The following FMN1 variants were observed in gnomAD, a reference collection of about 807,000 sequenced individuals.
FMN1 encodes formin-1.
A neutral mutation model predicts 132.4 loss-of-function variants in FMN1; 110 were observed. The observed-to-expected ratio is 0.83, with a 90% confidence interval of 0.71 to 0.97. The LOEUF is 0.97. Among genes scored for constraint, FMN1 ranks in the 50% least tolerant of loss-of-function variants. The pLI is 0.00. For missense variants in FMN1, 1,792 were observed against 1,705.3 expected, an observed-to-expected ratio of 1.05 and a Z score of -0.90; for synonymous variants, 722 against 651.7, an observed-to-expected ratio of 1.11 and a Z score of -1.64.
chr15:32,799,233 T>A (rs1490904341), intron 18 of FMN1, among the ~76,000 whole-genome samples: 2 of 152,202 alleles, frequency 1.3e-5, no homozygotes, highest in Non-Finnish European at 2.9e-5. Flanking sequence ...GTAAAACGTC[T>A]CGAGTTTGTT....
chr15:33,040,709 C>A (rs2036393883), intron 6 of FMN1, among the ~76,000 whole-genome samples: 1 of 152,152 alleles, frequency 6.6e-6, no homozygotes, highest in Non-Finnish European at 1.5e-5. Flanking sequence ...AAGGGAAATC[C>A]CCCAGGAGTC....
chr15:33,139,659 A>G (rs1296689446), intron 4 of FMN1, among the ~76,000 whole-genome samples: 2 of 152,222 alleles, frequency 1.3e-5, no homozygotes, highest in Non-Finnish European at 2.9e-5. Context: ...TAAAGATCCA[A>G]ATAAGCTTCG....
At chr15:33,182,744 A>G (rs1566970279) in intron 2 of FMN1, among the ~76,000 whole-genome samples, 3 of 152,178 alleles carry the variant, frequency 2.0e-5, no homozygotes, top group Non-Finnish European at 4.4e-5. Flanking sequence ...CTATGTGTTC[A>G]ACAGAGCCCA....
intron 7 of FMN1, among the ~76,000 whole-genome samples, chr15:33,005,231 T>C (rs1238788562): frequency 6.6e-6 from 1 of 151,992 alleles, no homozygotes; most frequent in Non-Finnish European, 1.5e-5. Flanking sequence ...GTGTATAAAT[T>C]GGATGTACCA....
At chr15:32,963,801 C>G (rs1488722805) in intron 9 of FMN1, among the ~76,000 whole-genome samples, 1 of 151,826 alleles carries the variant, frequency 6.6e-6, no homozygotes, top group Non-Finnish European at 1.5e-5. Flanking sequence ...AAGATATGGC[C>G]AAAATAGCAG....
intron 9 of FMN1, among the ~76,000 whole-genome samples, chr15:32,937,772 G>A (rs1014831635): frequency 2.0e-5 from 3 of 152,216 alleles, no homozygotes; most frequent in Non-Finnish European, 1.5e-5. Context: ...TTGGAGGACA[G>A]TACCAAACAA....
chr15:33,118,882 C>A (rs140042582), intron 4 of FMN1, among the ~76,000 whole-genome samples: 1 of 145,434 alleles, frequency 6.9e-6, no homozygotes, highest in African/African-American at 2.6e-5. Flanking sequence ...AAAATAATGT[C>A]TATAAAAAAA....
chr15:32,804,189 G>C (rs2057578092), intron 18 of FMN1, 92 bp downstream of exon 18: 1 of 919,036 alleles, frequency 1.1e-6, no homozygotes, highest in African/African-American at 1.7e-5. Context: ...TTTGGAGATA[G>C]AACTGCATAG....
rs201353759 is a variant in FMN1 at position 32,855,156 on chromosome 15, G to GT, written c.3928+1858dup. ...GTTCCACACTGGAATTACGTGGAGA[G>GT]TAAAAAAAAAAAAAAAAAAAAAAAA... On this transcript the variant is annotated intron_variant, in intron 17 of 20. Transcript: ENST00000616417. 1.4e-3 allele frequency among the ~76,000 whole-genome samples: 96 copies of GT among 70,562 alleles called. 2 individuals carry two copies. The highest frequency in any genetic ancestry group is 0.018 in the Middle Eastern group (2 of 112). 46.3% of individuals were successfully genotyped at this position (70,562 alleles called of 152,430 possible).
intron 9 of FMN1, among the ~76,000 whole-genome samples, chr15:32,954,462 T>C (rs2061720005): frequency 6.6e-6 from 1 of 152,346 alleles, no homozygotes; most frequent in Middle Eastern, 3.4e-3. Flanking sequence ...GACCAGATCC[T>C]TGGAATTCAT....
intron 16 of FMN1, among the ~76,000 whole-genome samples, chr15:32,862,347 T>C (rs1405943979): frequency 6.6e-6 from 1 of 152,194 alleles, no homozygotes; most frequent in African/African-American, 2.4e-5. Context: ...ATTTTTCTCT[T>C]TACACAATTT....
intron 9 of FMN1, among the ~76,000 whole-genome samples, chr15:32,927,382 G>GC (rs2060988168): frequency 6.6e-6 from 1 of 152,094 alleles, no homozygotes; most frequent in African/African-American, 2.4e-5. Flanking sequence ...CTCACGAGTA[G>GC]CAAGCACTAT....
chr15:33,040,783 T>C (rs1010245653), intron 6 of FMN1, among the ~76,000 whole-genome samples: 2 of 152,232 alleles, frequency 1.3e-5, no homozygotes, highest in Non-Finnish European at 2.9e-5. Flanking sequence ...TCACTTCTAC[T>C]TATCTTGAAT....
rs148590309 is a variant in FMN1 at position 32,880,983 on chromosome 15, G to A, written c.3835+7189C>T. Among the ~76,000 whole-genome samples, 315 of 152,212 alleles carry A rather than the reference G, an allele frequency of 2.1e-3. 1 individual carries two copies. Among genetic ancestry groups the A allele is most frequent in the African/African-American group, 7.4e-3 (306 of 41,526 alleles). Reference sequence around the variant, plus strand: ...TTAAACTTTTGTCTCCTAAATCCTAGTTCAGTGCTATTGTCAACACCCCAG... The same window carrying A: ...TTAAACTTTTGTCTCCTAAATCCTAATTCAGTGCTATTGTCAACACCCCAG... On this transcript the variant is annotated intron_variant, in intron 16 of 20. Coordinates refer to ENST00000616417, the MANE Select transcript of FMN1 (RefSeq NM_001277313.2).
At chr15:32,962,105 T>TTTATTATTATTATTA (rs10645453) in intron 9 of FMN1, among the ~76,000 whole-genome samples, 3 of 150,760 alleles carry the variant, frequency 2.0e-5, no homozygotes, top group African/African-American at 7.3e-5. Context: ...AGGGCAAGGA[T>TTTATTATTATTATTA]TTATTATTAT....
intron 4 of FMN1, among the ~76,000 whole-genome samples, chr15:33,139,091 CTTAA>C (rs900979908): frequency 2.6e-5 from 4 of 152,172 alleles, no homozygotes; most frequent in African/African-American, 4.8e-5. Flanking sequence ...ACTATCATAA[CTTAA>C]TTAATGAAAA....
At chr15:32,798,991 G>A in intron 18 of FMN1, 38 bp from the exon 19 acceptor site, 1 of 1,592,202 alleles carries the variant, frequency 6.3e-7, no homozygotes, top group African/African-American at 1.4e-5. Flanking sequence ...TGAGGTAGAG[G>A]TGAGAAATTG....
chr15:32,785,184 G>GTC (rs1270130987), intron 19 of FMN1, among the ~76,000 whole-genome samples: 2 of 33,014 alleles, frequency 6.1e-5, no homozygotes, highest in East Asian at 1.6e-3. Flanking sequence ...GTGTGTGTGT[G>GTC]TGTGTGTGTG....
chr15:32,942,750 C>G (rs933561400), intron 9 of FMN1, among the ~76,000 whole-genome samples: 1 of 152,152 alleles, frequency 6.6e-6, no homozygotes, highest in African/African-American at 2.4e-5. Flanking sequence ...ATCTCCAGCA[C>G]AGTCAGTTTT....
Sources: gnomAD v4.1 joint callset for allele counts (sites outside exome capture counted in the v4.1 genomes callset) on GRCh38, gnomAD v4.1.1 for gene constraint, MANE v1.5 for transcripts, NCBI Gene and HGNC (gene_info 2026-07-23, HGNC 2026-07-21) for gene names.